ADARB2: variants seen among roughly 807,000 people sequenced by gnomAD.
ADARB2 encodes the protein inactive double-stranded RNA-specific editase B2.
ADARB2 carries 25 observed loss-of-function variants against 62.2 expected under a neutral mutation model. The ratio of observed to expected loss-of-function variants is 0.40; its 90% CI spans 0.29 to 0.56. The LOEUF (loss-of-function observed/expected upper bound fraction) is 0.56, where lower values mean the gene tolerates loss of function less well. Ranked by LOEUF, ADARB2 falls within the 20% of genes least tolerant of loss-of-function variation. The probability of loss-of-function intolerance (pLI) is 0.43; values close to 1 mark genes in which losing one functional copy is unlikely to be tolerated. For missense variants in ADARB2, 1,071 were observed against 1,077.4 expected, an observed-to-expected ratio of 0.99 and a Z score of 0.08; for synonymous variants, 572 against 500.8, an observed-to-expected ratio of 1.14 and a Z score of -1.90.
intron 3 of ADARB2, chr10:1,292,589 T>A (rs1453274597): frequency 1.3e-5 from 2 of 152,190 alleles, no homozygotes; most frequent in Non-Finnish European, 2.9e-5. Flanking sequence ...CCCTGAAACC[T>A]TCAAGTTCTG....
chr10:1,465,304 A>G (rs1488505273), intron 1 of ADARB2, among the ~76,000 whole-genome samples: 3 of 152,174 alleles, frequency 2.0e-5, no homozygotes, highest in Non-Finnish European at 4.4e-5. Flanking sequence ...CTTTTCAGCC[A>G]TGTGTGCTTG....
At chr10:1,305,703 C>T (rs1274513947) in intron 3 of ADARB2, among the ~76,000 whole-genome samples, 1 of 152,050 alleles carries the variant, frequency 6.6e-6, no homozygotes, top group East Asian at 1.9e-4. Context: ...GCTTATCCAC[C>T]ATGATCAAGT....
intron 3 of ADARB2, among the ~76,000 whole-genome samples, chr10:1,285,189 C>T (rs899153092): frequency 6.6e-6 from 1 of 152,112 alleles, no homozygotes; most frequent in Non-Finnish European, 1.5e-5. Context: ...GGTGATTTAG[C>T]CATTTAGAAA....
intron 4 of ADARB2, 39 bp from the exon 5 acceptor site, chr10:1,242,338 G>T (rs1011146055): frequency 6.6e-7 from 1 of 1,507,366 alleles, no homozygotes. Flanking sequence ...GTGGCCCACG[G>T]CCCCCGTCTC....
intron 4 of ADARB2, among the ~76,000 whole-genome samples, chr10:1,257,920 CACTT>C (rs1027723549): frequency 1.2e-4 from 18 of 152,174 alleles, no homozygotes; most frequent in African/African-American, 4.1e-4. Context: ...TGAAAGTCCA[CACTT>C]ACTTCAGAGG....
intron 1 of ADARB2, among the ~76,000 whole-genome samples, chr10:1,609,244 T>C (rs953651265): frequency 2.0e-5 from 3 of 152,212 alleles, no homozygotes; most frequent in South Asian, 4.1e-4. Flanking sequence ...TTTTTTCCAC[T>C]GATAAAAGAC....
chr10:1,506,941 A>G (rs945879576), intron 1 of ADARB2, among the ~76,000 whole-genome samples: 15 of 152,224 alleles, frequency 9.9e-5, no homozygotes, highest in African/African-American at 3.6e-4. Context: ...GGCTGGCTGC[A>G]GGTCGGAGGC....
intron 1 of ADARB2, among the ~76,000 whole-genome samples, chr10:1,505,343 A>G (rs1266131076): frequency 4.0e-5 from 6 of 151,462 alleles, no homozygotes; most frequent in African/African-American, 1.2e-4. Flanking sequence ...ATGACAGCAC[A>G]GAGGGAAGAT....
rs1000472591 is a variant in ADARB2 at position 1,477,156 on chromosome 10, C to T, written c.101-97996G>A. On this transcript the variant is annotated intron_variant, in intron 1 of 9. Transcript: ENST00000381312. The surrounding 1 kb of genome is among the most constrained non-coding windows in gnomAD (Gnocchi z 4.5). ...AACTTGGGTTGCCCGATCCTGCAAACGCTGGCTTTCTCCTCTGACCCATGG... is the reference window on the plus strand; with the variant it reads ...AACTTGGGTTGCCCGATCCTGCAAATGCTGGCTTTCTCCTCTGACCCATGG... Among the ~76,000 whole-genome samples, 2 of 152,316 alleles carry T rather than the reference C, an allele frequency of 1.3e-5. No homozygotes were observed. Among genetic ancestry groups the T allele is most frequent in the East Asian group, 1.9e-4 (1 of 5,172 alleles).
At chr10:1,499,447 C>T (rs563673974) in intron 1 of ADARB2, among the ~76,000 whole-genome samples, 10 of 151,812 alleles carry the variant, frequency 6.6e-5, no homozygotes, top group Non-Finnish European at 1.0e-4. Context: ...ACTCACTAAT[C>T]GCTCACTCAT....
intron 1 of ADARB2, among the ~76,000 whole-genome samples, chr10:1,436,655 TACATCTCAATTTC>T (rs1289631941): frequency 6.6e-6 from 1 of 152,248 alleles, no homozygotes. Flanking sequence ...TGCACACAGA[TACATCTCAATTTC>T]CCTCGGGGAG....
In ADARB2 at chr10:1,579,894, A is replaced by G. The variant is rs978883253; in HGVS notation, c.100+157157T>C. 2.6e-5 allele frequency among the ~76,000 whole-genome samples: 4 copies of G among 152,292 alleles called. No individual in the cohort carries two copies. The East Asian group carries it at 7.7e-4, about 29-fold the overall frequency. ...ATTCTCTCCCCGAATCTCCCCAGAC[A>G]TGCCTGGTGTCTCTAGCAGCCGCTC... is the stretch of plus-strand genomic sequence containing the variant. On this transcript the variant is annotated intron_variant, in intron 1 of 9. Coordinates refer to ENST00000381312, the MANE Select transcript of ADARB2 (RefSeq NM_018702.4).
intron 6 of ADARB2, among the ~76,000 whole-genome samples, chr10:1,231,363 T>C (rs1003877073): frequency 3.9e-5 from 6 of 152,234 alleles, no homozygotes; most frequent in African/African-American, 1.4e-4. Context: ...AGCTGTGCAG[T>C]GTACCAGATT....
intron 1 of ADARB2, among the ~76,000 whole-genome samples, chr10:1,696,407 T>G (rs1179817034): frequency 6.6e-6 from 1 of 152,206 alleles, no homozygotes; most frequent in Non-Finnish European, 1.5e-5. Context: ...ACACACATAT[T>G]TATGTCTTTT....
At chr10:1,552,795 G>A (rs1832645955) in intron 1 of ADARB2, among the ~76,000 whole-genome samples, 1 of 152,214 alleles carries the variant, frequency 6.6e-6, no homozygotes, top group African/African-American at 2.4e-5. Context: ...CCTCTGGCCT[G>A]GTCCTGCCGG....
At chr10:1,573,668 A>C (rs982034936) in intron 1 of ADARB2, among the ~76,000 whole-genome samples, 1 of 152,020 alleles carries the variant, frequency 6.6e-6, no homozygotes, top group Non-Finnish European at 1.5e-5. Context: ...TGTCCTTGGG[A>C]GGTTGAGGAG....
intron 1 of ADARB2, among the ~76,000 whole-genome samples, chr10:1,502,751 CTTTA>C (rs1831781973): frequency 2.0e-5 from 3 of 152,266 alleles, no homozygotes; most frequent in East Asian, 1.9e-4. Flanking sequence ...TTACTTTAAT[CTTTA>C]TTTGTTTTCT....
chr10:1,676,113 G>T lies in ADARB2; in HGVS notation c.100+60938C>A, dbSNP rs572795721. ...CCCTGAAGGTTTGCAGGCATATTAGGACAAAATTGCCATTTTGGGTCTTGG... is the reference window on the plus strand; with the variant it reads ...CCCTGAAGGTTTGCAGGCATATTAGTACAAAATTGCCATTTTGGGTCTTGG... On this transcript the variant is annotated intron_variant, in intron 1 of 9. Transcript: ENST00000381312. 1.9e-4 allele frequency: 180 copies of T among 970,886 alleles called. 2 individuals carry two copies. The South Asian group carries it at 7.5e-3, about 40-fold the overall frequency. 60.1% of individuals were successfully genotyped at this position (970,886 alleles called of 1,614,324 possible).
At chr10:1,395,061 T>G (rs1832599922) in intron 1 of ADARB2, 1 of 443,194 alleles carries the variant, frequency 2.3e-6, no homozygotes, top group African/African-American at 2.0e-5. Context: ...GGACTACAGA[T>G]GCGTGCCACC....
Sources: allele counts gnomAD v4.1 joint callset (sites outside exome capture counted in the v4.1 genomes callset), GRCh38; gene constraint gnomAD v4.1.1; non-coding constraint Gnocchi (gnomAD v3.1); transcripts MANE v1.5; gene names NCBI Gene and HGNC (gene_info 2026-07-23, HGNC 2026-07-21).